Variants in PIEZO1 observed in about 807,000 individuals in gnomAD.
PIEZO1 encodes the protein piezo-type mechanosensitive ion channel component 1.
PIEZO1 carries 296 observed loss-of-function variants against 297.2 expected under a neutral mutation model. The ratio of observed to expected loss-of-function variants is 1.00; its 90% CI spans 0.91 to 1.10. PIEZO1 has a LOEUF of 1.10. PIEZO1 is among the 50% of genes least tolerant of loss of function. The pLI is 0.00. For missense variants in PIEZO1, 5,018 were observed against 3,455.5 expected, an observed-to-expected ratio of 1.45 and a Z score of -11.34; for synonymous variants, 2,427 against 1,507.5, an observed-to-expected ratio of 1.61 and a Z score of -14.13.
chr16:88,716,022 C>T lies in PIEZO1; in HGVS notation c.7227G>A (p.Gln2409=). The change falls in exon 50 of 51, where the codon CAG becomes CAA. Residue 2409 remains glutamine (Q), a synonymous_variant. Coordinates refer to ENST00000301015, the MANE Select transcript of PIEZO1 (RefSeq NM_001142864.4). ...GFLEWWVIEL[Q]ECRTDCNLLP... is the part of the protein sequence containing the mutation. ...GCAGGTTGCAGTCGGTCCGGCACTCCTGCAGCTCGATGACCCACCATTCGA... is the reference window on the plus strand; with the variant it reads ...GCAGGTTGCAGTCGGTCCGGCACTCTTGCAGCTCGATGACCCACCATTCGA... The T allele has an allele frequency of 6.5e-7, 1 of 1,550,236 alleles. No individual in the cohort carries two copies. Among genetic ancestry groups the T allele is most frequent in the Non-Finnish European group, 8.7e-7 (1 of 1,146,930 alleles).
rs1652772584 is a variant in PIEZO1 at position 88,722,000 on chromosome 16, C to G, written c.5022G>C (p.Arg1674=). 1 of 1,549,124 alleles carries G rather than the reference C, an allele frequency of 6.5e-7. No homozygotes were observed. Among genetic ancestry groups the G allele is most frequent in the African/African-American group, 1.4e-5 (1 of 73,026 alleles). ...CACACTGGTACACGGCCCGCAGCAG[C>G]CGCAGCGCCCGGCCCTGCCCCTCCG... ...LFAEGQGRAL[R]LLRAVYQCVA... is the part of the protein sequence containing the mutation. Residue 1674 remains arginine (R), a synonymous_variant, in exon 37 of 51, where the codon CGG becomes CGC. Transcript: ENST00000301015.
intron 11 of PIEZO1, 45 bp from the exon 12 acceptor site, chr16:88,736,453 C>G: frequency 6.8e-7 from 1 of 1,474,126 alleles, no homozygotes; most frequent in South Asian, 1.3e-5. Flanking sequence ...GCACCCCACC[C>G]AGGCGATGCC....
rs1331572823 is a variant in PIEZO1, at chr16:88,723,095, C to A, written c.4495G>T (p.Gly1499Cys). The A allele has an allele frequency of 1.6e-5, 25 of 1,547,824 alleles. No homozygotes were observed. Among genetic ancestry groups the A allele is most frequent in the Non-Finnish European group, 2.2e-5 (25 of 1,146,650 alleles). The change falls in exon 33 of 51, where the codon GGC becomes TGC. Residue 1499 changes from glycine (G) to cysteine (C), a missense_variant and splice_region_variant. Transcript: ENST00000301015. ...ACTCCCCAGCCCCGGGCCCACGTACCTGCCGCTGCCTCCTCGGGGCCCTCT... is the reference window on the plus strand; with the variant it reads ...ACTCCCCAGCCCCGGGCCCACGTACATGCCGCTGCCTCCTCGGGGCCCTCT... ...PAEGPEEAAA[G>C]RSHVVQRVLS...
In PIEZO1 at chr16:88,720,212, C is replaced by CA; in HGVS notation, c.6020dup (p.Met2007IlefsTer12). The CA allele has an allele frequency of 1.3e-6, 2 of 1,550,592 alleles. No homozygotes were observed. Among genetic ancestry groups the CA allele is most frequent in the Non-Finnish European group, 1.7e-6 (2 of 1,146,990 alleles). On this transcript the variant is annotated frameshift_variant, in exon 42 of 51. Transcript: ENST00000301015. LOFTEE classifies it high-confidence loss of function. ...CCATGGTACTGAACTGGATCAGCAG[C>CA]ATGACCAGGAAAGCCTCGGGTACCT...
At chr16:88,717,672 G>GT in intron 44 of PIEZO1, 2 of 440,452 alleles carry the variant, frequency 4.5e-6, no homozygotes, top group South Asian at 3.3e-5. Context: ...AATACTTTGT[G>GT]CTTCCAAAGA....
Position 88,742,328 on chromosome 16 carries a change from G to A in PIEZO1, c.255C>T (p.Pro85=). 3 of 1,535,192 alleles carry A rather than the reference G, an allele frequency of 2.0e-6. No homozygotes were observed. The highest frequency in any genetic ancestry group is 2.4e-5 in the South Asian group (2 of 84,018). The stretch of plus-strand genomic sequence containing the variant: ...TGGGTCCCAGGAGCTGGTCCAGGCG[G>A]GGCACAATATGCAGGCAGATCTGGA... ...LALQICLHIV[P]RLDQLLGPSC... is the part of the protein sequence containing the mutation. The change falls in exon 3 of 51, where the codon CCC becomes CCT. Residue 85 remains proline, a synonymous_variant. Transcript: ENST00000301015.
At chr16:88,737,865 G>A (rs780315673) in intron 8 of PIEZO1, 51 bp from the exon 9 acceptor site, 49 of 1,532,708 alleles carry the variant, frequency 3.2e-5, no homozygotes, top group Non-Finnish European at 3.7e-5. Flanking sequence ...CCCACCCAGA[G>A]GCAGGAGGTC....
intron 27 of PIEZO1, 23 bp downstream of exon 27, chr16:88,726,261 G>T: frequency 6.5e-7 from 1 of 1,536,534 alleles, no homozygotes. Context: ...GGAGCTCTGG[G>T]CTGTGTCTGG....
At chr16:88,720,564 T>TGCCCCCCCCCCCCC in intron 40 of PIEZO1, 32 bp from the exon 41 acceptor site, 1 of 1,542,100 alleles carries the variant, frequency 6.5e-7, no homozygotes, top group Non-Finnish European at 8.8e-7. Context: ...CTGGGCCCAG[T>TGCCCCCCCCCCCCC]ACCCGCCTCC....
chr16:88,723,601 G>C (rs1216085950), intron 31 of PIEZO1, among the ~76,000 whole-genome samples: 1 of 152,260 alleles, frequency 6.6e-6, no homozygotes, highest in Non-Finnish European at 1.5e-5. Context: ...AAAGGTGTTG[G>C]GCCGGTCTCA....
intron 12 of PIEZO1, 48 bp downstream of exon 12, chr16:88,736,100 A>G: frequency 1.3e-6 from 2 of 1,496,110 alleles, no homozygotes; most frequent in Non-Finnish European, 1.8e-6. Flanking sequence ...GACAACCCTG[A>G]TGGGTCTGCG....
Position 88,734,885 on chromosome 16 carries a change from G to A in PIEZO1, c.1838C>T (p.Thr613Ile). Reference sequence around the variant, plus strand: ...CGGCCCCCCAGCCACCTGGAAGAGGGTGAGGCAGAGCAGGAAGAGGAACAT... The same window carrying A: ...CGGCCCCCCAGCCACCTGGAAGAGGATGAGGCAGAGCAGGAAGAGGAACAT... ...VYMFLFLLCL[T>I]LFQVYYSLWR... The change falls in exon 14 of 51, where the codon ACC (threonine) becomes ATC (isoleucine). Residue 613 changes from threonine (T) to isoleucine (I), a missense_variant. Physicochemically the swap from Thr to Ile is moderately conservative, Grantham distance 89. Transcript: ENST00000301015. The A allele has an allele frequency of 8.4e-6, 13 of 1,550,372 alleles. No homozygotes were observed. Among genetic ancestry groups the A allele is most frequent in the East Asian group, 2.4e-5 (1 of 40,922 alleles).
In PIEZO1 at chr16:88,723,966, G is replaced by A. The variant is rs1904305118; in HGVS notation, c.4240C>T (p.His1414Tyr). The change falls in exon 31 of 51, where the codon CAC (histidine) becomes TAC (tyrosine). Residue 1414 changes from histidine to tyrosine, a missense_variant. Coordinates refer to ENST00000301015, the MANE Select transcript of PIEZO1 (RefSeq NM_001142864.4). Reference sequence around the variant, plus strand: ...TCAAACAGGAAGTAGTCCCCGGAGTGGATGACTGTGGGCAGGCAGCACTGA... The same window carrying A: ...TCAAACAGGAAGTAGTCCCCGGAGTAGATGACTGTGGGCAGGCAGCACTGA... ...RPWLDHATVI[H>Y]SGDYFLFESD... 4.5e-6 allele frequency: 7 copies of A among 1,538,494 alleles called. No individual in the cohort carries two copies. The highest frequency in any genetic ancestry group is 4.4e-6 in the Non-Finnish European group (5 of 1,136,096).
intron 4 of PIEZO1, 65 bp downstream of exon 4, chr16:88,741,988 C>G: frequency 6.7e-7 from 1 of 1,502,156 alleles, no homozygotes; most frequent in Middle Eastern, 1.8e-4. Context: ...TGGGTCCCCC[C>G]ACTTCCTGGG....
At chr16:88,760,222 C>T (rs1567688901) in intron 1 of PIEZO1, among the ~76,000 whole-genome samples, 1 of 152,126 alleles carries the variant, frequency 6.6e-6, no homozygotes, top group Admixed American at 6.5e-5. Flanking sequence ...GGGCTCCGCT[C>T]CCCCGGGGCG....
Position 88,771,057 on chromosome 16 carries a change from TC to T in PIEZO1, c.64+13843del, listed in dbSNP as rs567999707. 1.7e-3 allele frequency among the ~76,000 whole-genome samples: 262 copies of T among 152,258 alleles called. 2 individuals carry two copies. The highest frequency in any genetic ancestry group is 6.1e-3 in the African/African-American group (253 of 41,552). On this transcript the variant is annotated intron_variant, in intron 1 of 50. Coordinates refer to ENST00000301015, the MANE Select transcript of PIEZO1 (RefSeq NM_001142864.4). ...GTCTTGCTCTGTGTTGCAAGGTCCTTCCGCCCCTGTCACTTAGCAGGTGGTC... is the reference window on the plus strand; with the variant it reads ...GTCTTGCTCTGTGTTGCAAGGTCCTTCGCCCCTGTCACTTAGCAGGTGGTC...
intron 23 of PIEZO1, 133 bp downstream of exon 23, chr16:88,727,424 G>A (rs1904531364): frequency 6.2e-6 from 4 of 643,136 alleles, no homozygotes; most frequent in South Asian, 3.9e-5. Flanking sequence ...GCGAGGTCAG[G>A]GCCTGCAGGC....
Position 88,720,542 on chromosome 16 carries a change from G to A in PIEZO1, c.5802-10C>T, listed in dbSNP as rs757735078. The A allele has an allele frequency of 1.3e-6, 2 of 1,549,388 alleles. No homozygotes were observed. On this transcript the variant is annotated splice_polypyrimidine_tract_variant and intron_variant, in intron 40 of 50. Coordinates refer to ENST00000301015, the MANE Select transcript of PIEZO1 (RefSeq NM_001142864.4). ...ATATGTGCCCTGGGCCCTGCGGAAG[G>A]GGGCGCTCAGCCTGGGCCCAGTACC...
At position 88,737,946 on chromosome 16, in the gene PIEZO1, G is replaced by A. The variant is rs1286487962; in HGVS notation, c.1008C>T (p.Arg336=). The A allele has an allele frequency of 2.0e-6, 3 of 1,530,050 alleles. No individual in the cohort carries two copies. Among genetic ancestry groups the A allele is most frequent in the Non-Finnish European group, 2.6e-6 (3 of 1,143,132 alleles). 94.8% of individuals were successfully genotyped at this position (1,530,050 alleles called of 1,614,324 possible). A position where few individuals can be genotyped will look rare whatever the true frequency, so the allele number is the denominator to read the frequency against. ...GGCAGGTGCTCACCTGGCCGGAGGGGCGGTACGCGCGGAGCTTGCGCAGAG... is the reference window on the plus strand; with the variant it reads ...GGCAGGTGCTCACCTGGCCGGAGGGACGGTACGCGCGGAGCTTGCGCAGAG... ...TASLRKLRAY[R]PSGQRKEAAK... The change falls in exon 8 of 51, where the codon CGC becomes CGT. Residue 336 remains arginine (R), a synonymous_variant. Coordinates refer to ENST00000301015, the MANE Select transcript of PIEZO1 (RefSeq NM_001142864.4).
Sources: gnomAD v4.1 joint callset for allele counts (sites outside exome capture counted in the v4.1 genomes callset) on GRCh38, gnomAD v4.1.1 for gene constraint, MANE v1.5 for transcripts, NCBI Gene and HGNC (gene_info 2026-07-23, HGNC 2026-07-21) for gene names.